Variants in ZNF713 observed in about 807,000 individuals in gnomAD.
ZNF713 encodes the protein zinc finger protein 713.
Under a neutral mutation model 28.7 loss-of-function variants are expected in ZNF713, and 21 were observed. The ratio of observed to expected loss-of-function variants is 0.73; its 90% CI spans 0.52 to 1.05. The LOEUF (loss-of-function observed/expected upper bound fraction) is 1.05. Ranked by LOEUF, ZNF713 falls within the 50% of genes least tolerant of loss-of-function variation. The pLI, the probability that ZNF713 is intolerant of heterozygous loss-of-function variation, is 0.00. For synonymous variants in ZNF713, 167 were observed against 178.0 expected (o/e 0.94, Z 0.49); for missense variants, 458 against 532.4 (o/e 0.86, Z 1.37).
At position 55,901,103 on chromosome 7, in the gene ZNF713, C is replaced by T. The variant is rs554123954; in HGVS notation, c.-582-5150C>T. Among the ~76,000 whole-genome samples the T allele has an allele frequency of 3.5e-4, 54 of 152,262 alleles. 1 individual carries two copies. The highest frequency in any genetic ancestry group is 2.7e-3 in the South Asian group (13 of 4,826). On this transcript the variant is annotated intron_variant, in intron 1 of 6. Coordinates refer to ENST00000429591, the MANE Select transcript of ZNF713 (RefSeq NM_182633.3). ...CACAATGTGTATTAGTCTGTTTTCA[C>T]GCTGCTGATAAAGACATACCCAAGA...
Position 55,939,541 on chromosome 7 carries a change from T to C in ZNF713, c.867T>C (p.Asp289=), listed in dbSNP as rs1235851158. The change falls in exon 7 of 7, where the codon GAT becomes GAC. Residue 289 remains aspartate, a synonymous_variant. Coordinates refer to ENST00000429591, the MANE Select transcript of ZNF713 (RefSeq NM_182633.3). The part of the protein sequence containing the change: ...LLTGEKPYKC[D]ECGKRFSQRI... Reference sequence around the variant, plus strand: ...CAGGAGAGAAGCCCTATAAGTGTGATGAATGTGGAAAAAGATTCAGCCAGA... The same window carrying C: ...CAGGAGAGAAGCCCTATAAGTGTGACGAATGTGGAAAAAGATTCAGCCAGA... 1.9e-6 allele frequency: 3 copies of C among 1,613,824 alleles called. No homozygotes were observed. Among genetic ancestry groups the C allele is most frequent in the Non-Finnish European group, 2.5e-6 (3 of 1,179,924 alleles).
intron 1 of ZNF713, among the ~76,000 whole-genome samples, chr7:55,888,261 G>A (rs1785316025): frequency 6.6e-6 from 1 of 152,120 alleles, no homozygotes; most frequent in Non-Finnish European, 1.5e-5. Context: ...TAAGGGGTTA[G>A]GTAGAGATTA....
At chr7:55,891,453 A>G (rs1421542466) in intron 1 of ZNF713, among the ~76,000 whole-genome samples, 1 of 151,826 alleles carries the variant, frequency 6.6e-6, no homozygotes, top group Non-Finnish European at 1.5e-5. Flanking sequence ...TAATAGAAAA[A>G]AAATTAAATC....
intron 1 of ZNF713, among the ~76,000 whole-genome samples, chr7:55,904,752 G>A (rs1473764728): frequency 6.6e-6 from 1 of 151,686 alleles, no homozygotes; most frequent in African/African-American, 2.4e-5. Flanking sequence ...ATTTTGAGAC[G>A]GTCTCACTCT....
rs1048154447 is a variant in ZNF713, at chr7:55,942,073, G to C, written c.*2067G>C. On this transcript the variant is annotated 3_prime_UTR_variant, in exon 7 of 7. Transcript: ENST00000429591. ...AAGTTTTGGGATTTTGTAAAATAATGACCAGAGACTAAGAATTCCCATGCC... is the reference window on the plus strand; with the variant it reads ...AAGTTTTGGGATTTTGTAAAATAATCACCAGAGACTAAGAATTCCCATGCC... The C allele has an allele frequency of 1.3e-5, 2 of 151,924 alleles. No homozygotes were observed. The highest frequency in any genetic ancestry group is 2.9e-5 in the Non-Finnish European group (2 of 68,012). 9.4% of individuals were successfully genotyped at this position (151,924 alleles called of 1,614,324 possible).
At chr7:55,923,566 C>A in intron 5 of ZNF713, 41 bp from the exon 6 acceptor site, 1 of 1,514,582 alleles carries the variant, frequency 6.6e-7, no homozygotes, top group South Asian at 1.2e-5. Flanking sequence ...AATTTTGTTC[C>A]CAGTACAAAC....
chr7:55,934,454 T>C (rs1378893982), intron 6 of ZNF713, among the ~76,000 whole-genome samples: 1 of 152,150 alleles, frequency 6.6e-6, no homozygotes, highest in East Asian at 1.9e-4. Flanking sequence ...CAAAATGTTA[T>C]CACATCTTGT....
At chr7:55,920,841 G>A (rs562085833) in intron 4 of ZNF713, among the ~76,000 whole-genome samples, 7 of 151,764 alleles carry the variant, frequency 4.6e-5, no homozygotes, top group Non-Finnish European at 1.0e-4. Context: ...GGCTGGTCTC[G>A]AGCTCCTGAC....
chr7:55,911,085 T>G (rs1355799373), intron 2 of ZNF713, among the ~76,000 whole-genome samples: 1 of 152,196 alleles, frequency 6.6e-6, no homozygotes, highest in Admixed American at 6.5e-5. Flanking sequence ...AATGTTAGAT[T>G]CCTGCCATGC....
At chr7:55,909,501 G>C (rs1785744931) in intron 2 of ZNF713, among the ~76,000 whole-genome samples, 1 of 152,136 alleles carries the variant, frequency 6.6e-6, no homozygotes, top group Non-Finnish European at 1.5e-5. Flanking sequence ...TTTTTGCTTA[G>C]GATTGCTTTG....
chr7:55,902,498 T>C (rs1785596598), intron 1 of ZNF713, among the ~76,000 whole-genome samples: 1 of 152,208 alleles, frequency 6.6e-6, no homozygotes, highest in Non-Finnish European at 1.5e-5. Flanking sequence ...TCTTAACTAT[T>C]GTAAAGACGA....
intron 4 of ZNF713, among the ~76,000 whole-genome samples, chr7:55,914,719 T>G (rs1183687691): frequency 6.9e-6 from 1 of 145,376 alleles, no homozygotes; most frequent in Non-Finnish European, 1.5e-5. Context: ...GGGGGACCAT[T>G]GCAGACAGGA....
intron 6 of ZNF713, among the ~76,000 whole-genome samples, chr7:55,932,759 C>T (rs1015088843): frequency 4.7e-5 from 7 of 148,794 alleles, no homozygotes; most frequent in Non-Finnish European, 7.5e-5. Context: ...TGGCGGGCGC[C>T]TGTAGTCCCA....
In ZNF713 at chr7:55,887,585, C is replaced by CCCGCA. The variant is rs1193145927; in HGVS notation, c.-676_-675insGCACC. On this transcript the variant is annotated 5_prime_UTR_variant, in exon 1 of 7. Coordinates refer to ENST00000429591, the MANE Select transcript of ZNF713 (RefSeq NM_182633.3). The stretch of plus-strand genomic sequence containing the variant: ...GGCTGCGGGGCCCTCGGCACCTTCT[C>CCCGCA]CCTCCCGGGTCCACCGCGGCGGCGG... 65 of 185,232 alleles carry CCCGCA rather than the reference C, an allele frequency of 3.5e-4. No homozygotes were observed. The highest frequency in any genetic ancestry group is 5.4e-4 in the Non-Finnish European group (51 of 94,728). 11.5% of individuals were successfully genotyped at this position (185,232 alleles called of 1,614,324 possible). A position where few individuals can be genotyped will look rare whatever the true frequency, so the allele number is the denominator to read the frequency against.
chr7:55,903,389 G>A (rs1785613667), intron 1 of ZNF713, among the ~76,000 whole-genome samples: 1 of 152,044 alleles, frequency 6.6e-6, no homozygotes, highest in South Asian at 2.1e-4. Context: ...GCTGCCCATG[G>A]CCGGGTGTGG....
chr7:55,904,463 T>TAA (rs71015118), intron 1 of ZNF713, among the ~76,000 whole-genome samples: 2,349 of 39,814 alleles, frequency 0.059, 16 homozygotes, highest in East Asian at 0.088. Flanking sequence ...ACTGTATCTT[T>TAA]AAAAAAAAAA....
chr7:55,907,727 T>C (rs1785707057), intron 2 of ZNF713, among the ~76,000 whole-genome samples: 1 of 152,208 alleles, frequency 6.6e-6, no homozygotes, highest in Non-Finnish European at 1.5e-5. Flanking sequence ...TTTCAGTTTC[T>C]GAGTTATTTC....
At chr7:55,892,076 G>A (rs567504995) in intron 1 of ZNF713, among the ~76,000 whole-genome samples, 2 of 151,700 alleles carry the variant, frequency 1.3e-5, no homozygotes, top group African/African-American at 4.8e-5. Context: ...TCAGGAGATC[G>A]AGACCATCCT....
intron 4 of ZNF713, among the ~76,000 whole-genome samples, chr7:55,914,122 A>G (rs1196894731): frequency 6.6e-6 from 1 of 152,002 alleles, no homozygotes; most frequent in Non-Finnish European, 1.5e-5. Flanking sequence ...AAAAAAAAAA[A>G]AAAAAGAGGC....
Sources: gnomAD v4.1 joint callset for allele counts (sites outside exome capture counted in the v4.1 genomes callset) on GRCh38, gnomAD v4.1.1 for gene constraint, MANE v1.5 for transcripts, NCBI Gene and HGNC (gene_info 2026-07-23, HGNC 2026-07-21) for gene names.